The following CHCHD6 variants were observed in gnomAD, a reference collection of about 807,000 sequenced individuals.
CHCHD6 encodes coiled-coil-helix-coiled-coil-helix domain containing 6, also known as MICOS complex subunit MIC25.
CHCHD6 carries 28 observed loss-of-function variants against 32.3 expected under a neutral mutation model. The ratio of observed to expected loss-of-function variants is 0.87; its 90% CI spans 0.64 to 1.19. CHCHD6 has a LOEUF of 1.19. Among genes scored for constraint, CHCHD6 ranks in the 50% most tolerant of loss-of-function variants. The pLI is 0.00. For synonymous variants in CHCHD6, 122 were observed against 117.5 expected (o/e 1.04, Z -0.25); for missense variants, 333 against 307.0 (o/e 1.08, Z -0.63).
intron 1 of CHCHD6, among the ~76,000 whole-genome samples, chr3:126,708,357 G>A (rs1433894866): frequency 6.6e-6 from 1 of 152,202 alleles, no homozygotes; most frequent in African/African-American, 2.4e-5. Flanking sequence ...GCAGCCACAA[G>A]GAGGGTAGGA....
intron 6 of CHCHD6, among the ~76,000 whole-genome samples, chr3:126,916,555 A>C (rs1039644381): frequency 5.3e-5 from 8 of 152,194 alleles, no homozygotes; most frequent in South Asian, 2.1e-4. Context: ...AGGACCCCAC[A>C]GGGCCTGAGT....
intron 5 of CHCHD6, among the ~76,000 whole-genome samples, chr3:126,913,299 G>A (rs918014916): frequency 8.0e-6 from 1 of 124,626 alleles, no homozygotes; most frequent in Non-Finnish European, 1.6e-5. Context: ...GCACAATCTC[G>A]GCTTACTGTA....
chr3:126,943,479 GGTT>G (rs1052294362), intron 6 of CHCHD6, among the ~76,000 whole-genome samples: 2 of 152,184 alleles, frequency 1.3e-5, no homozygotes, highest in Non-Finnish European at 2.9e-5. Context: ...CTGACCCTGT[GGTT>G]GTTCTAAGGG....
chr3:126,846,795 A>G (rs146816407), intron 4 of CHCHD6, among the ~76,000 whole-genome samples: 1,786 of 152,214 alleles, frequency 0.012, 35 homozygotes, highest in African/African-American at 0.04. Flanking sequence ...TTTTATCTCT[A>G]TATGGAGGGT....
chr3:126,944,861 TCTC>T (rs1168386103), intron 6 of CHCHD6, among the ~76,000 whole-genome samples: 1 of 152,132 alleles, frequency 6.6e-6, no homozygotes, highest in Non-Finnish European at 1.5e-5. Flanking sequence ...AGACTTACCT[TCTC>T]CTCAGGACTG....
At chr3:126,708,620 C>T (rs949455281) in intron 1 of CHCHD6, among the ~76,000 whole-genome samples, 5 of 142,526 alleles carry the variant, frequency 3.5e-5, no homozygotes, top group Admixed American at 7.4e-5. Context: ...CCCAGTGGTT[C>T]GAGTCCAGTG....
At chr3:126,767,773 G>GT (rs1487873246) in intron 4 of CHCHD6, among the ~76,000 whole-genome samples, 1 of 152,100 alleles carries the variant, frequency 6.6e-6, no homozygotes, top group Non-Finnish European at 1.5e-5. Flanking sequence ...GTAGGCCCCA[G>GT]TGTCTGTTAT....
Position 126,733,314 on chromosome 3 carries a change from C to T in CHCHD6, c.411+92C>T, listed in dbSNP as rs181089433. On this transcript the variant is annotated intron_variant, in intron 4 of 7. Coordinates refer to ENST00000290913, the MANE Select transcript of CHCHD6 (RefSeq NM_032343.3). ...CCCTGGCACCTGGTTAGTCTGAAGC[C>T]CTGCTGGCTCAGGCTGCCCCTGGGA... 8.3e-5 allele frequency: 105 copies of T among 1,263,248 alleles called. 1 individual carries two copies. In the East Asian group the frequency reaches 2.2e-3, roughly 27 times the overall value. 78.3% of individuals were successfully genotyped at this position (1,263,248 alleles called of 1,614,324 possible). A position where few individuals can be genotyped will look rare whatever the true frequency, so the allele number is the denominator to read the frequency against.
At chr3:126,806,727 T>A (rs1455959073) in intron 4 of CHCHD6, among the ~76,000 whole-genome samples, 1 of 152,144 alleles carries the variant, frequency 6.6e-6, no homozygotes, top group Admixed American at 6.5e-5. Flanking sequence ...TAAATCATGC[T>A]GCTATAAAGA....
Position 126,759,654 on chromosome 3 carries a change from G to T in CHCHD6, c.411+26432G>T, listed in dbSNP as rs115552844. On this transcript the variant is annotated intron_variant, in intron 4 of 7. Coordinates refer to ENST00000290913, the MANE Select transcript of CHCHD6 (RefSeq NM_032343.3). ...GGTTAAATGGTTTGGTCAAATAGGC[G>T]CTACCGGGTGATTTTTTGCTCTCCT... Among the ~76,000 whole-genome samples, 1,300 of 152,264 alleles carry T rather than the reference G, an allele frequency of 8.5e-3. 11 individuals are homozygous for T. Among genetic ancestry groups the T allele is most frequent in the Non-Finnish European group, 0.016 (1,063 of 68,022 alleles).
chr3:126,949,371 C>A (rs1038063292), intron 6 of CHCHD6: 13 of 220,632 alleles, frequency 5.9e-5, no homozygotes, highest in Admixed American at 6.1e-5. Flanking sequence ...GCTGCACAGA[C>A]ACCTGCCATG....
chr3:126,733,045 A>G (rs1304682041), intron 3 of CHCHD6, 33 bp from the exon 4 acceptor site: 44 of 1,609,706 alleles, frequency 2.7e-5, no homozygotes, highest in Non-Finnish European at 3.7e-5. Flanking sequence ...CATGCCATCC[A>G]CATCTGTTTC....
chr3:126,958,829 G>A (rs1305236435), intron 7 of CHCHD6, among the ~76,000 whole-genome samples: 1 of 152,202 alleles, frequency 6.6e-6, no homozygotes, highest in African/African-American at 2.4e-5. Flanking sequence ...GCACTGGGTA[G>A]GCTGGGCCAG....
chr3:126,715,025 ATT>A (rs1356299337), intron 1 of CHCHD6, among the ~76,000 whole-genome samples: 1 of 152,184 alleles, frequency 6.6e-6, no homozygotes, highest in Non-Finnish European at 1.5e-5. Context: ...TCATATTGAC[ATT>A]CGACTAGTTT....
At chr3:126,890,856 T>G (rs73861720) in intron 5 of CHCHD6, among the ~76,000 whole-genome samples, 8,755 of 152,214 alleles carry the variant, frequency 0.058, 793 homozygotes, top group African/African-American at 0.19. Context: ...CAAGGCACAG[T>G]GTCTCACTTT....
chr3:126,914,295 T>C (rs545046019), intron 5 of CHCHD6, among the ~76,000 whole-genome samples: 2 of 152,370 alleles, frequency 1.3e-5, no homozygotes, highest in East Asian at 3.9e-4. Flanking sequence ...TTGTAGGTCA[T>C]GTAGTCTCTA....
intron 1 of CHCHD6, among the ~76,000 whole-genome samples, chr3:126,711,679 T>C (rs1934754128): frequency 6.6e-6 from 1 of 152,222 alleles, no homozygotes; most frequent in African/African-American, 2.4e-5. Flanking sequence ...ATGCGCCCAT[T>C]TAGCATAGAC....
At chr3:126,909,583 C>T (rs141472392) in intron 5 of CHCHD6, among the ~76,000 whole-genome samples, 2 of 152,190 alleles carry the variant, frequency 1.3e-5, no homozygotes, top group East Asian at 1.9e-4. Context: ...TTCTTACTCA[C>T]GTTATTTAAT....
rs568987115 is a variant in CHCHD6, at chr3:126,732,963, C to T, written c.267-115C>T. ...CACTCTCTCCTTTCCTGACCAGCCGCTGGCTGGTTTCAGCATTTCCCTGGT... is the reference window on the plus strand; with the variant it reads ...CACTCTCTCCTTTCCTGACCAGCCGTTGGCTGGTTTCAGCATTTCCCTGGT... On this transcript the variant is annotated intron_variant, in intron 3 of 7. Coordinates refer to ENST00000290913, the MANE Select transcript of CHCHD6 (RefSeq NM_032343.3). 33 of 1,167,166 alleles carry T rather than the reference C, an allele frequency of 2.8e-5. No individual in the cohort carries two copies. In the Admixed American group the frequency reaches 5.4e-4, roughly 19 times the overall value. 72.3% of individuals were successfully genotyped at this position (1,167,166 alleles called of 1,614,324 possible). A position where few individuals can be genotyped will look rare whatever the true frequency, so the allele number is the denominator to read the frequency against.
Sources: gnomAD v4.1 joint callset for allele counts (sites outside exome capture counted in the v4.1 genomes callset) on GRCh38, gnomAD v4.1.1 for gene constraint, MANE v1.5 for transcripts, NCBI Gene and HGNC (gene_info 2026-07-23, HGNC 2026-07-21) for gene names.